The following CSMD1 variants were observed in gnomAD, a reference collection of about 807,000 sequenced individuals.
The protein encoded by CSMD1 is CUB and sushi domain-containing protein 1.
In CSMD1, 213 loss-of-function variants were observed where a neutral mutation model predicts 417.5. The ratio of observed to expected loss-of-function variants is 0.51; its 90% CI spans 0.46 to 0.57. The LOEUF (loss-of-function observed/expected upper bound fraction) is 0.57. CSMD1 is among the 20% of genes least tolerant of loss of function. The pLI is 0.00. For synonymous variants in CSMD1, 2,862 were observed against 1,736.8 expected, an observed-to-expected ratio of 1.65 and a Z score of -16.11; for missense variants, 6,923 against 4,529.7, an observed-to-expected ratio of 1.53 and a Z score of -15.17.
chr8:3,342,813 G>A (rs914686352), intron 23 of CSMD1, among the ~76,000 whole-genome samples: 4 of 152,064 alleles, frequency 2.6e-5, no homozygotes, highest in African/African-American at 9.7e-5. Context: ...ATGGTGAAAA[G>A]AAAATAGTTT....
intron 3 of CSMD1, among the ~76,000 whole-genome samples, chr8:4,117,266 G>C (rs1022278935): frequency 2.6e-5 from 4 of 151,190 alleles, no homozygotes; most frequent in Admixed American, 2.0e-4. Context: ...ATAATCCCAA[G>C]GAACTCACTC....
intron 1 of CSMD1, among the ~76,000 whole-genome samples, chr8:4,943,249 A>C (rs1808139212): frequency 1.3e-5 from 2 of 152,144 alleles, no homozygotes; most frequent in African/African-American, 2.4e-5. Flanking sequence ...TAATCCCAGC[A>C]CTTTGGGCGG....
chr8:4,174,556 T>C (rs951688976), intron 3 of CSMD1, among the ~76,000 whole-genome samples: 3 of 150,916 alleles, frequency 2.0e-5, no homozygotes, highest in Non-Finnish European at 4.4e-5. Flanking sequence ...GAGATGTTTT[T>C]ATAAATACTG....
At chr8:3,893,339 T>TTATATATGTGTATATATATATATATA (rs1231999334) in intron 5 of CSMD1, among the ~76,000 whole-genome samples, 2 of 80,460 alleles carry the variant, frequency 2.5e-5, no homozygotes, top group South Asian at 5.4e-4. Flanking sequence ...ATTCACAATT[T>TTATATATGTGTATATATATATATATA]TATATATATA....
At chr8:4,148,654 C>A (rs768260127) in intron 3 of CSMD1, among the ~76,000 whole-genome samples, 8 of 152,118 alleles carry the variant, frequency 5.3e-5, no homozygotes, top group Non-Finnish European at 1.2e-4. Flanking sequence ...TTGTGGATGG[C>A]AGAGAGAGGA....
chr8:3,921,829 G>C (rs953416527), intron 5 of CSMD1, among the ~76,000 whole-genome samples: 1 of 152,092 alleles, frequency 6.6e-6, no homozygotes, highest in African/African-American at 2.4e-5. Flanking sequence ...AGAGAGTTTT[G>C]TGCAAAGCTT....
chr8:3,939,884 G>C (rs1341754389), intron 5 of CSMD1, among the ~76,000 whole-genome samples: 1 of 151,952 alleles, frequency 6.6e-6, no homozygotes, highest in Non-Finnish European at 1.5e-5. Flanking sequence ...GCGGGTGAGG[G>C]AATGAAAGAC....
intron 4 of CSMD1, among the ~76,000 whole-genome samples, chr8:4,021,028 G>C (rs563955334): frequency 1.4e-4 from 21 of 152,224 alleles, no homozygotes; most frequent in African/African-American, 5.1e-4. Context: ...ACCCTACAAC[G>C]TAAGTGAGAA....
At chr8:4,513,052 G>A (rs1028858520) in intron 2 of CSMD1, among the ~76,000 whole-genome samples, 2 of 152,144 alleles carry the variant, frequency 1.3e-5, no homozygotes, top group Non-Finnish European at 2.9e-5. Flanking sequence ...AAAATTATCT[G>A]TATGATACTA....
intron 49 of CSMD1, among the ~76,000 whole-genome samples, chr8:3,081,610 A>G (rs1814101970): frequency 6.6e-6 from 1 of 152,188 alleles, no homozygotes; most frequent in Non-Finnish European, 1.5e-5. Flanking sequence ...GACCTTCTCT[A>G]TGATTTATTG....
chr8:3,936,366 G>C (rs1322206866), intron 5 of CSMD1, among the ~76,000 whole-genome samples: 1 of 152,102 alleles, frequency 6.6e-6, no homozygotes, highest in South Asian at 2.1e-4. Context: ...ATACCATCTA[G>C]GATTTTCATA....
At chr8:3,602,011 G>C (rs1389095337) in intron 8 of CSMD1, among the ~76,000 whole-genome samples, 1 of 152,096 alleles carries the variant, frequency 6.6e-6, no homozygotes, top group African/African-American at 2.4e-5. Flanking sequence ...GGGAAGTTAT[G>C]GCTTTATGGG....
intron 18 of CSMD1, among the ~76,000 whole-genome samples, chr8:3,383,473 G>A (rs999373153): frequency 4.6e-5 from 7 of 151,324 alleles, no homozygotes; most frequent in Non-Finnish European, 1.0e-4. Context: ...CCTCATGCAT[G>A]GAGGGAAGCC....
intron 2 of CSMD1, among the ~76,000 whole-genome samples, chr8:4,431,786 T>C (rs971278074): frequency 1.7e-4 from 26 of 152,274 alleles, no homozygotes; most frequent in Non-Finnish European, 2.6e-4. Flanking sequence ...ATTAGAAATG[T>C]AGCAAATGCT....
chr8:4,666,604 C>G (rs551907816), intron 1 of CSMD1, among the ~76,000 whole-genome samples: 2 of 152,228 alleles, frequency 1.3e-5, no homozygotes, highest in Non-Finnish European at 2.9e-5. Context: ...CTGTTTCAAA[C>G]CAATAATATT....
chr8:4,586,294 C>A (rs1363724843), intron 2 of CSMD1, among the ~76,000 whole-genome samples: 1 of 152,170 alleles, frequency 6.6e-6, no homozygotes, highest in Non-Finnish European at 1.5e-5. Flanking sequence ...CAGCCATTCC[C>A]AATTTTTCCC....
intron 1 of CSMD1, among the ~76,000 whole-genome samples, chr8:4,979,231 G>A (rs527453321): frequency 1.3e-5 from 2 of 152,210 alleles, no homozygotes; most frequent in Non-Finnish European, 2.9e-5. Context: ...TTTAGTTGCA[G>A]TAATAAAATA....
intron 7 of CSMD1, among the ~76,000 whole-genome samples, chr8:3,659,084 G>C (rs1476919398): frequency 6.6e-6 from 1 of 152,094 alleles, no homozygotes; most frequent in East Asian, 1.9e-4. Context: ...TTCCGAAATG[G>C]TAATCTAATT....
intron 5 of CSMD1, among the ~76,000 whole-genome samples, chr8:3,846,099 A>G (rs1032397597): frequency 4.6e-5 from 7 of 152,184 alleles, no homozygotes; most frequent in African/African-American, 1.7e-4. Flanking sequence ...CTTCTATAAT[A>G]AAAAGTATAG....
Sources: allele counts gnomAD v4.1 joint callset (sites outside exome capture counted in the v4.1 genomes callset), GRCh38; gene constraint gnomAD v4.1.1; transcripts MANE v1.5; gene names NCBI Gene and HGNC (gene_info 2026-07-23, HGNC 2026-07-21).